IQSEC1: variants seen among roughly 807,000 people sequenced by gnomAD.
IQSEC1 encodes IQ motif and SEC7 domain-containing protein 1.
In IQSEC1, 31 loss-of-function variants were observed where a neutral mutation model predicts 91.0. The observed-to-expected ratio is 0.34, with a 90% CI of 0.26 to 0.46. IQSEC1 has a LOEUF of 0.46. Ranked by LOEUF, IQSEC1 falls within the 20% of genes least tolerant of loss-of-function variation. IQSEC1 has a pLI of 1.00. For synonymous variants in IQSEC1, 699 were observed against 662.6 expected, an observed-to-expected ratio of 1.05 and a Z score of -0.84; for missense variants, 1,388 against 1,575.6, an observed-to-expected ratio of 0.88 and a Z score of 2.02.
chr3:12,954,169 A>T lies in IQSEC1; in HGVS notation c.24-12304T>A, dbSNP rs188047387. Among the ~76,000 whole-genome samples the T allele has an allele frequency of 1.4e-4, 22 of 152,262 alleles. No individual in the cohort carries two copies. The East Asian group carries it at 4.3e-3, about 29-fold the overall frequency. On this transcript the variant is annotated intron_variant, in intron 1 of 13. Coordinates refer to ENST00000613206, the MANE Select transcript of IQSEC1 (RefSeq NM_001134382.3). Reference sequence around the variant, plus strand: ...GCCCAGGCCTCGCTCCCAAACATAAAGAGTACCGTCAGCCTGCAGGGGCCA... The same window carrying T: ...GCCCAGGCCTCGCTCCCAAACATAATGAGTACCGTCAGCCTGCAGGGGCCA...
rs923321294 is a variant in IQSEC1, at chr3:13,193,962, G to A, written c.273-29829C>T. Among the ~76,000 whole-genome samples, 1 of 152,200 alleles carries A rather than the reference G, an allele frequency of 6.6e-6. No homozygotes were observed. Among genetic ancestry groups the A allele is most frequent in the Non-Finnish European group, 1.5e-5 (1 of 68,040 alleles). The stretch of plus-strand genomic sequence containing the variant: ...CTGGAATTCGGAAAGCAAGGCTTTG[G>A]TTGGCAAGGGTGGTTTCTCTGGCAG... On this transcript the variant is annotated intron_variant, in intron 1 of 15. Transcript: ENST00000648114. The surrounding 1 kb of genome is among the most constrained non-coding windows in gnomAD (Gnocchi z 4.2).
intron 1 of IQSEC1, among the ~76,000 whole-genome samples, chr3:12,954,288 A>G (rs1268323636): frequency 6.6e-6 from 1 of 152,196 alleles, no homozygotes; most frequent in Non-Finnish European, 1.5e-5. Context: ...AGGTTCCAGG[A>G]GACAGGCTGG....
intron 1 of IQSEC1, among the ~76,000 whole-genome samples, chr3:13,184,997 A>G (rs1179216149): frequency 6.6e-6 from 1 of 152,194 alleles, no homozygotes; most frequent in East Asian, 1.9e-4. Flanking sequence ...CACACAGACA[A>G]ACAGACAAGC....
chr3:13,248,291 T>G (rs540443551), intron 1 of IQSEC1, among the ~76,000 whole-genome samples: 1 of 152,218 alleles, frequency 6.6e-6, no homozygotes, highest in Admixed American at 6.5e-5. Flanking sequence ...CAGTTCTGGC[T>G]ACACCACTGC....
chr3:13,197,234 G>A (rs3852027), intron 1 of IQSEC1, among the ~76,000 whole-genome samples: 11,667 of 152,226 alleles, frequency 0.077, 949 homozygotes, highest in African/African-American at 0.21. Flanking sequence ...AACGGGAAAC[G>A]CTTGCTCCCT....
intron 1 of IQSEC1, among the ~76,000 whole-genome samples, chr3:13,272,396 A>G (rs1161147474): frequency 6.6e-6 from 1 of 152,190 alleles, no homozygotes; most frequent in Admixed American, 6.5e-5. Flanking sequence ...GTACAATATT[A>G]CACTTTCAAG....
At chr3:13,231,865 A>G (rs1162779204) in intron 1 of IQSEC1, among the ~76,000 whole-genome samples, 3 of 152,086 alleles carry the variant, frequency 2.0e-5, no homozygotes, top group African/African-American at 7.2e-5. Flanking sequence ...AGAAACTCAC[A>G]CCCCCTTTGG....
At chr3:12,969,714 A>G (rs1455743358) in intron 1 of IQSEC1, among the ~76,000 whole-genome samples, 1 of 152,158 alleles carries the variant, frequency 6.6e-6, no homozygotes, top group Non-Finnish European at 1.5e-5. Context: ...TTGTCCAAGA[A>G]TTTCAGGCAC....
At chr3:13,278,003 T>C (rs1425421352) in intron 1 of IQSEC1, among the ~76,000 whole-genome samples, 3 of 152,194 alleles carry the variant, frequency 2.0e-5, no homozygotes, top group Admixed American at 6.5e-5. Flanking sequence ...CCTCCGCTGC[T>C]GCCCCCTCAT....
intron 1 of IQSEC1, among the ~76,000 whole-genome samples, chr3:13,265,849 G>C (rs1316704522): frequency 6.8e-6 from 1 of 146,136 alleles, no homozygotes; most frequent in East Asian, 2.0e-4. Context: ...AACCACCAGA[G>C]AGGCTGAGAA....
intron 1 of IQSEC1, among the ~76,000 whole-genome samples, chr3:13,186,799 TC>T (rs1693941284): frequency 6.6e-6 from 1 of 152,096 alleles, no homozygotes; most frequent in African/African-American, 2.4e-5. Context: ...AGACCCAGGC[TC>T]CGTCAGGGAC....
At chr3:12,921,367 C>T (rs948275436) in intron 5 of IQSEC1, among the ~76,000 whole-genome samples, 1 of 152,230 alleles carries the variant, frequency 6.6e-6, no homozygotes, top group Non-Finnish European at 1.5e-5. Context: ...CCTCCTGGCC[C>T]CATCACCAGT....
intron 2 of IQSEC1, among the ~76,000 whole-genome samples, chr3:13,121,160 T>C (rs1706417098): frequency 6.6e-6 from 1 of 152,238 alleles, no homozygotes; most frequent in Admixed American, 6.5e-5. Context: ...TGCCTGCTTT[T>C]GTGAGCAGGA....
At chr3:12,960,850 G>A (rs920662939) in intron 1 of IQSEC1, among the ~76,000 whole-genome samples, 2 of 152,132 alleles carry the variant, frequency 1.3e-5, no homozygotes, top group Admixed American at 6.5e-5. Context: ...TCCCCTTCCT[G>A]CCGGCACGCA....
At chr3:13,217,014 G>A (rs1014213145) in intron 1 of IQSEC1, among the ~76,000 whole-genome samples, 3 of 152,114 alleles carry the variant, frequency 2.0e-5, no homozygotes, top group African/African-American at 7.2e-5. Flanking sequence ...CAAAGGATTT[G>A]CCATGGAGAA....
intron 2 of IQSEC1, 54 bp from the exon 3 acceptor site, chr3:12,936,751 A>G: frequency 6.9e-7 from 1 of 1,459,686 alleles, no homozygotes; most frequent in Non-Finnish European, 9.2e-7. Flanking sequence ...ACAGTGCGAC[A>G]TTTACCAAAC....
rs551862022 is a variant in IQSEC1 at position 13,205,287 on chromosome 3, C to T, written c.273-41154G>A. On this transcript the variant is annotated intron_variant, in intron 1 of 15. Transcript: ENST00000648114. ...ACAAGGAACCATTCTGTGCCATAAG[C>T]TCACCTCCACCTGGGATACAACAGA... Among the ~76,000 whole-genome samples, 3 of 152,192 alleles carry T rather than the reference C, an allele frequency of 2.0e-5. No homozygotes were observed. In the South Asian group the frequency reaches 6.2e-4, roughly 32 times the overall value.
intron 1 of IQSEC1, among the ~76,000 whole-genome samples, chr3:13,013,236 A>T (rs936009659): frequency 1.3e-5 from 2 of 152,080 alleles, no homozygotes; most frequent in African/African-American, 4.8e-5. Context: ...CTGGGCTCTT[A>T]ACCACAGCCT....
chr3:13,038,260 G>GTATATATATATATATATATATA (rs1452632242), intron 1 of IQSEC1, among the ~76,000 whole-genome samples: 1 of 62,356 alleles, frequency 1.6e-5, no homozygotes, highest in Admixed American at 2.4e-4. Flanking sequence ...GTGTGTGTGT[G>GTATATATATATATATATATATA]TGTATATATA....
Sources: gnomAD v4.1 joint callset for allele counts (sites outside exome capture counted in the v4.1 genomes callset) on GRCh38, gnomAD v4.1.1 for gene constraint, Gnocchi (gnomAD v3.1) non-coding constraint, MANE v1.5 for transcripts, NCBI Gene and HGNC (gene_info 2026-07-23, HGNC 2026-07-21) for gene names.